STX11: variants seen among roughly 807,000 people sequenced by gnomAD.
STX11 encodes the protein syntaxin 11, also known as syntaxin-11.
In STX11, 21 loss-of-function variants were observed where a neutral mutation model predicts 19.9. The ratio of observed to expected loss-of-function variants is 1.06; its 90% CI spans 0.75 to 1.52. STX11 has a LOEUF of 1.52. Among genes scored for constraint, STX11 ranks in the 40% most tolerant of loss-of-function variants. STX11 has a pLI of 0.00. For missense variants in STX11, 438 were observed against 405.9 expected, an observed-to-expected ratio of 1.08 and a Z score of -0.68; for synonymous variants, 193 against 174.4, an observed-to-expected ratio of 1.11 and a Z score of -0.84.
Position 144,176,081 on chromosome 6 carries a change from A to C in STX11, c.-5-10542A>C, listed in dbSNP as rs1437878639. Among the ~76,000 whole-genome samples the C allele has an allele frequency of 6.6e-6, 1 of 152,206 alleles. No individual in the cohort carries two copies. The highest frequency in any genetic ancestry group is 1.5e-5 in the Non-Finnish European group (1 of 68,032). Reference sequence around the variant, plus strand: ...TACTGCAGACAGGTTCTTCTTTTAGATTCACTAATTAGATAAGCAACTCCA... The same window carrying C: ...TACTGCAGACAGGTTCTTCTTTTAGCTTCACTAATTAGATAAGCAACTCCA... On this transcript the variant is annotated intron_variant, in intron 1 of 1. Transcript: ENST00000367568. The surrounding 1 kb of genome is among the most constrained non-coding windows in gnomAD (Gnocchi z 4.1).
rs1291929759 is a variant in STX11 at position 144,155,910 on chromosome 6, T to C, written c.-6+5207T>C. ...AATTGGTAATTTTCAGTTGCCCTTC[T>C]TGAGCTAATTAAATGTGTTTTAAAA... On this transcript the variant is annotated intron_variant, in intron 1 of 1. Coordinates refer to ENST00000367568, the MANE Select transcript of STX11 (RefSeq NM_003764.4). The surrounding 1 kb of genome is among the most constrained non-coding windows in gnomAD (Gnocchi z 4.5). 3.3e-5 allele frequency among the ~76,000 whole-genome samples: 5 copies of C among 152,104 alleles called. No homozygotes were observed. Among genetic ancestry groups the C allele is most frequent in the African/African-American group, 1.2e-4 (5 of 41,352 alleles).
intron 1 of STX11, among the ~76,000 whole-genome samples, chr6:144,186,373 C>T (rs891777497): frequency 6.6e-6 from 1 of 151,888 alleles, no homozygotes; most frequent in Non-Finnish European, 1.5e-5. Flanking sequence ...TCATTGAGTT[C>T]TGCGCGGCTA....
In STX11 at chr6:144,187,456, A is replaced by T; in HGVS notation, c.829A>T (p.Thr277Ser). The change falls in exon 2 of 2, where the codon ACC becomes TCC. Residue 277 changes from threonine to serine, a missense_variant. Coordinates refer to ENST00000367568, the MANE Select transcript of STX11 (RefSeq NM_003764.4). This position sits in a 1 kb window ranked among gnomAD's most constrained non-coding sequence, Gnocchi z 5.6. ...VQYEEKNPCR[T>S]LCCFCCPCLK is the part of the protein sequence containing the mutation. Reference sequence around the variant, plus strand: ...GTACGAGGAGAAGAACCCCTGCCGGACCCTCTGCTGCTTCTGCTGTCCCTG... The same window carrying T: ...GTACGAGGAGAAGAACCCCTGCCGGTCCCTCTGCTGCTTCTGCTGTCCCTG... The T allele has an allele frequency of 1.2e-6, 2 of 1,611,902 alleles. No individual in the cohort carries two copies. The highest frequency in any genetic ancestry group is 2.2e-5 in the South Asian group (2 of 91,046).
chr6:144,178,516 C>G (rs76356441), intron 1 of STX11, among the ~76,000 whole-genome samples: 1 of 152,266 alleles, frequency 6.6e-6, no homozygotes, highest in African/African-American at 2.4e-5. Flanking sequence ...TATCAAACTG[C>G]CTTTTTCTCT....
chr6:144,181,012 A>G (rs1306824855), intron 1 of STX11, among the ~76,000 whole-genome samples: 1 of 152,230 alleles, frequency 6.6e-6, no homozygotes, highest in East Asian at 1.9e-4. Context: ...ATAATTTTCC[A>G]TCATAAAATG....
intron 1 of STX11, among the ~76,000 whole-genome samples, chr6:144,161,965 A>AGTG: frequency 6.6e-6 from 1 of 152,250 alleles, no homozygotes; most frequent in South Asian, 2.1e-4. Flanking sequence ...GATATAGCTC[A>AGTG]GTGTGCTGGT....
chr6:144,177,766 A>C lies in STX11; in HGVS notation c.-5-8857A>C, dbSNP rs1801811572. ...CTCCGTCTCAAAAAAAAGAAGAAAG[A>C]AAGCTCATCTACTGTCCTTTCCTGC... is the stretch of plus-strand genomic sequence containing the variant. On this transcript the variant is annotated intron_variant, in intron 1 of 1. Coordinates refer to ENST00000367568, the MANE Select transcript of STX11 (RefSeq NM_003764.4). This position sits in a 1 kb window ranked among gnomAD's most constrained non-coding sequence, Gnocchi z 4.4. Among the ~76,000 whole-genome samples, 1 of 152,182 alleles carries C rather than the reference A, an allele frequency of 6.6e-6. No individual in the cohort carries two copies. Among genetic ancestry groups the C allele is most frequent in the Non-Finnish European group, 1.5e-5 (1 of 68,022 alleles).
chr6:144,140,531 A>T, the STX11 span, among the ~76,000 whole-genome samples: 1 of 152,032 alleles, frequency 6.6e-6, no homozygotes, highest in Non-Finnish European at 1.5e-5. Flanking sequence ...CTGGGATTAC[A>T]GGCATGAACC....
In STX11 at chr6:144,165,307, T is replaced by C. The variant is rs60188478; in HGVS notation, c.-6+14604T>C. 4.7e-3 allele frequency among the ~76,000 whole-genome samples: 716 copies of C among 151,892 alleles called. 29 individuals are homozygous for C. The East Asian group carries it at 0.085, about 18-fold the overall frequency. ...CCGTCTCTACTAAAAAATACAAAAT[T>C]AGCGGGGCGTGGTGGTGCATGTCTG... On this transcript the variant is annotated intron_variant, in intron 1 of 1. Coordinates refer to ENST00000367568, the MANE Select transcript of STX11 (RefSeq NM_003764.4). This position sits in a 1 kb window ranked among gnomAD's most constrained non-coding sequence, Gnocchi z 5.8.
intron 1 of STX11, among the ~76,000 whole-genome samples, chr6:144,178,516 C>A (rs76356441): frequency 0.029 from 4,359 of 152,262 alleles, 88 homozygotes; most frequent in Non-Finnish European, 0.041. Context: ...TATCAAACTG[C>A]CTTTTTCTCT....
At position 144,187,590 on chromosome 6, in the gene STX11, A is replaced by C. The variant is rs1584064218; in HGVS notation, c.*99A>C. 3.3e-6 allele frequency: 5 copies of C among 1,499,044 alleles called. No individual in the cohort carries two copies. In the African/African-American group the frequency reaches 4.2e-5, roughly 13 times the overall value. 92.9% of individuals were successfully genotyped at this position (1,499,044 alleles called of 1,614,324 possible). ...CTCTGCCCTGCAGGGAGTTGCCCCA[A>C]CCCTTTCCGGAACTCAGTCTTTAGA... is the stretch of plus-strand genomic sequence containing the variant. On this transcript the variant is annotated 3_prime_UTR_variant, in exon 2 of 2. Coordinates refer to ENST00000367568, the MANE Select transcript of STX11 (RefSeq NM_003764.4). The surrounding 1 kb of genome is among the most constrained non-coding windows in gnomAD (Gnocchi z 5.6).
chr6:144,190,487 A>G lies in STX11; in HGVS notation c.*2996A>G, dbSNP rs759168083. 6.6e-6 allele frequency among the ~76,000 whole-genome samples: 1 copy of G among 152,228 alleles called. No individual in the cohort carries two copies. Among genetic ancestry groups the G allele is most frequent in the Non-Finnish European group, 1.5e-5 (1 of 68,030 alleles). On this transcript the variant is annotated 3_prime_UTR_variant, in exon 2 of 2. Coordinates refer to ENST00000367568, the MANE Select transcript of STX11 (RefSeq NM_003764.4). ...CCAAGTAAATTTATAGTTTTTAAGT[A>G]CAGAGGAAAAATAAAGCCTATTTTT...
the STX11 span, among the ~76,000 whole-genome samples, chr6:144,140,169 AG>A: frequency 7.0e-5 from 10 of 141,914 alleles, no homozygotes; most frequent in Admixed American, 7.4e-4. Flanking sequence ...TTCACTGCTC[AG>A]ACTTCAACCT....
At chr6:144,150,961 G>A (rs1374733646) in intron 1 of STX11, among the ~76,000 whole-genome samples, 5 of 152,200 alleles carry the variant, frequency 3.3e-5, no homozygotes, top group Non-Finnish European at 7.3e-5. Flanking sequence ...AGGGACTTAG[G>A]ATTTAGTGCT....
intron 1 of STX11, among the ~76,000 whole-genome samples, chr6:144,168,867 A>G (rs1801553148): frequency 6.6e-6 from 1 of 152,266 alleles, no homozygotes; most frequent in South Asian, 2.1e-4. Context: ...GGTGAAGTAG[A>G]GTAGTCACAT....
intron 1 of STX11, among the ~76,000 whole-genome samples, chr6:144,156,068 CT>C: frequency 7.2e-6 from 1 of 138,528 alleles, no homozygotes. Flanking sequence ...CTCCCCTCCC[CT>C]CCCCTCCCCA....
At chr6:144,141,455 C>T in the STX11 span, among the ~76,000 whole-genome samples, 1 of 152,178 alleles carries the variant, frequency 6.6e-6, no homozygotes, top group Admixed American at 6.5e-5. Flanking sequence ...ATGTTTTCTA[C>T]CCCTATTGGC....
rs1802195466 is a variant in STX11 at position 144,190,895 on chromosome 6, G to A, written c.*3404G>A. 6.6e-6 allele frequency among the ~76,000 whole-genome samples: 1 copy of A among 152,140 alleles called. No homozygotes were observed. Among genetic ancestry groups the A allele is most frequent in the African/African-American group, 2.4e-5 (1 of 41,432 alleles). On this transcript the variant is annotated 3_prime_UTR_variant, in exon 2 of 2. Coordinates refer to ENST00000367568, the MANE Select transcript of STX11 (RefSeq NM_003764.4). Reference sequence around the variant, plus strand: ...GGCTCTGACTGCCACACCAGGCAGTGGGTGAAATGCTGGCTTTTTCCTTAA... The same window carrying A: ...GGCTCTGACTGCCACACCAGGCAGTAGGTGAAATGCTGGCTTTTTCCTTAA...
rs575455594 is a variant in STX11 at position 144,170,355 on chromosome 6, C to G, written c.-5-16268C>G. On this transcript the variant is annotated intron_variant, in intron 1 of 1. Transcript: ENST00000367568. This position sits in a 1 kb window ranked among gnomAD's most constrained non-coding sequence, Gnocchi z 4.7. ...TTATTACCTTTTGTCTGTGTGTGTG[C>G]GTGGGAAGGGGAATCTGGACATGTG... 2.0e-5 allele frequency among the ~76,000 whole-genome samples: 3 copies of G among 152,104 alleles called. No homozygotes were observed. Among genetic ancestry groups the G allele is most frequent in the Non-Finnish European group, 4.4e-5 (3 of 67,986 alleles).
Sources: allele counts gnomAD v4.1 joint callset (sites outside exome capture counted in the v4.1 genomes callset), GRCh38; gene constraint gnomAD v4.1.1; non-coding constraint Gnocchi (gnomAD v3.1); transcripts MANE v1.5; gene names NCBI Gene and HGNC (gene_info 2026-07-23, HGNC 2026-07-21).